Variants in NFIA observed in about 807,000 individuals in gnomAD.
The protein encoded by NFIA is nuclear factor I A, also known as nuclear factor 1 A-type.
A neutral mutation model predicts 62.8 loss-of-function variants in NFIA; 8 were observed. The observed-to-expected ratio is 0.13, with a 90% confidence interval of 0.07 to 0.23. NFIA has a LOEUF of 0.23. NFIA is among the 10% of genes least tolerant of loss of function. NFIA has a pLI of 1.00. For missense variants in NFIA, 410 were observed against 642.1 expected (o/e 0.64, Z 3.91); for synonymous variants, 235 against 238.1 (o/e 0.99, Z 0.12).
intron 2 of NFIA, among the ~76,000 whole-genome samples, chr1:61,189,851 A>G (rs960841366): frequency 6.6e-6 from 1 of 152,144 alleles, no homozygotes; most frequent in Non-Finnish European, 1.5e-5. Context: ...GTTGAATCCT[A>G]GAAACTCACT....
chr1:61,416,505 T>C (rs1317516934), intron 9 of NFIA, among the ~76,000 whole-genome samples: 1 of 152,152 alleles, frequency 6.6e-6, no homozygotes, highest in Non-Finnish European at 1.5e-5. Flanking sequence ...AGCATTTTCA[T>C]TCACAGTAGC....
At chr1:61,116,380 T>A (rs1048207370) in intron 2 of NFIA, among the ~76,000 whole-genome samples, 1 of 152,228 alleles carries the variant, frequency 6.6e-6, no homozygotes, top group Admixed American at 6.5e-5. Context: ...GCATAGAAAG[T>A]TTAGATGACC....
intron 2 of NFIA, among the ~76,000 whole-genome samples, chr1:61,231,412 T>G (rs1268998534): frequency 6.6e-6 from 1 of 152,218 alleles, no homozygotes; most frequent in Non-Finnish European, 1.5e-5. Context: ...TTACCATTTC[T>G]TTGTTAGATG....
chr1:61,203,697 G>C (rs1652690940), intron 2 of NFIA, among the ~76,000 whole-genome samples: 1 of 152,122 alleles, frequency 6.6e-6, no homozygotes, highest in Admixed American at 6.6e-5. Flanking sequence ...TGTGTAAGGA[G>C]GTCTCCTACA....
intron 3 of NFIA, among the ~76,000 whole-genome samples, chr1:61,306,587 A>AT (rs200663836): frequency 4.7e-3 from 716 of 152,090 alleles, no homozygotes; most frequent in Non-Finnish European, 7.4e-3. Context: ...TTGGTGTGGT[A>AT]TTTTTTCCCC....
intron 3 of NFIA, among the ~76,000 whole-genome samples, chr1:61,328,453 C>T (rs1490206899): frequency 6.6e-6 from 1 of 151,558 alleles, no homozygotes; most frequent in Non-Finnish European, 1.5e-5. Context: ...CGGAATTTCG[C>T]TCTTATTGCC....
intron 2 of NFIA, among the ~76,000 whole-genome samples, chr1:61,236,971 TTAATTAA>T (rs1316806111): frequency 6.6e-6 from 1 of 152,202 alleles, no homozygotes; most frequent in African/African-American, 2.4e-5. Context: ...GTTGAATGAA[TTAATTAA>T]TACATATCTA....
intron 2 of NFIA, among the ~76,000 whole-genome samples, chr1:61,255,776 A>C (rs1366599262): frequency 6.6e-6 from 1 of 152,156 alleles, no homozygotes; most frequent in East Asian, 1.9e-4. Flanking sequence ...TTTTCTTGGC[A>C]CCTCACACGG....
At chr1:61,271,897 G>C (rs557567069) in intron 2 of NFIA, among the ~76,000 whole-genome samples, 1 of 152,308 alleles carries the variant, frequency 6.6e-6, no homozygotes, top group South Asian at 2.1e-4. Context: ...AAGAACCACA[G>C]AGTGTTTCCA....
chr1:61,271,313 T>G (rs894410896), intron 2 of NFIA, among the ~76,000 whole-genome samples: 4 of 152,210 alleles, frequency 2.6e-5, no homozygotes, highest in Non-Finnish European at 5.9e-5. Context: ...ACTCTTCAAC[T>G]TAAACAGTCT....
intron 2 of NFIA, among the ~76,000 whole-genome samples, chr1:61,254,560 G>A (rs1394509761): frequency 6.6e-6 from 1 of 152,160 alleles, no homozygotes; most frequent in Non-Finnish European, 1.5e-5. Context: ...ACATAGAACA[G>A]TTATGGAGCC....
chr1:61,289,320 C>G (rs577241939), intron 3 of NFIA, among the ~76,000 whole-genome samples: 1 of 152,224 alleles, frequency 6.6e-6, no homozygotes, highest in East Asian at 1.9e-4. Context: ...TCATGGCCAC[C>G]AGAGCCATGC....
intron 4 of NFIA, among the ~76,000 whole-genome samples, chr1:61,333,842 A>G (rs1322728472): frequency 6.6e-6 from 1 of 152,112 alleles, no homozygotes; most frequent in Non-Finnish European, 1.5e-5. Flanking sequence ...GACTAAAAAT[A>G]CAAAAAGATT....
At chr1:61,160,722 G>C (rs1649138118) in intron 2 of NFIA, among the ~76,000 whole-genome samples, 2 of 152,190 alleles carry the variant, frequency 1.3e-5, no homozygotes, top group African/African-American at 4.8e-5. Context: ...GACTAATGCA[G>C]ATGACTGTAC....
intron 10 of NFIA, among the ~76,000 whole-genome samples, chr1:61,441,292 G>GGTGT (rs763246425): frequency 0.16 from 22,754 of 139,096 alleles, 2,096 homozygotes; most frequent in South Asian, 0.26. Flanking sequence ...GCCGTGCAGG[G>GGTGT]GTGTGTGTGT....
At chr1:61,342,193 A>ATT (rs113110354) in intron 4 of NFIA, among the ~76,000 whole-genome samples, 45 of 146,832 alleles carry the variant, frequency 3.1e-4, no homozygotes, top group African/African-American at 9.9e-4. Context: ...ATTGAAAACT[A>ATT]TTTTTTTTTT....
chr1:61,357,786 C>T (rs56237748), intron 5 of NFIA, among the ~76,000 whole-genome samples: 6,764 of 152,098 alleles, frequency 0.044, 527 homozygotes, highest in African/African-American at 0.15. Context: ...ATGAAACATA[C>T]GAAAACTTCT....
Position 61,295,971 on chromosome 1 carries a change from C to T in NFIA, c.625+18386C>T, listed in dbSNP as rs571113043. Among the ~76,000 whole-genome samples, 122 of 152,308 alleles carry T rather than the reference C, an allele frequency of 8.0e-4. 2 individuals carry two copies. The South Asian group carries it at 0.019, about 23-fold the overall frequency. On this transcript the variant is annotated intron_variant, in intron 3 of 10. Transcript: ENST00000403491. ...ACAAAGCTGTTGCATAAGAAATGCA[C>T]ACTCCTCTCTTAGGGGGAACATTCT...
chr1:61,203,462 T>C (rs905165825), intron 2 of NFIA, among the ~76,000 whole-genome samples: 18 of 152,142 alleles, frequency 1.2e-4, no homozygotes, highest in African/African-American at 4.3e-4. Flanking sequence ...CTCCCCCTTT[T>C]CTATGCCTGT....
Sources: gnomAD v4.1 joint callset for allele counts (sites outside exome capture counted in the v4.1 genomes callset) on GRCh38, gnomAD v4.1.1 for gene constraint, MANE v1.5 for transcripts, NCBI Gene and HGNC (gene_info 2026-07-23, HGNC 2026-07-21) for gene names.